The following TBCD variants were observed in gnomAD, a reference collection of about 807,000 sequenced individuals.
TBCD encodes tubulin-specific chaperone D.
Under a neutral mutation model 169.3 loss-of-function variants are expected in TBCD, and 105 were observed. That is an observed-to-expected ratio of 0.62 (90% CI 0.53 to 0.73). The LOEUF (loss-of-function observed/expected upper bound fraction) is 0.73, where lower values mean the gene tolerates loss of function less well. TBCD is among the 30% of genes least tolerant of loss of function. TBCD has a pLI of 0.00. For synonymous variants in TBCD, 700 were observed against 643.9 expected (o/e 1.09, Z -1.32); for missense variants, 1,444 against 1,600.1 (o/e 0.90, Z 1.66).
chr17:82,924,601 T>TA (rs2061609777), intron 26 of TBCD, among the ~76,000 whole-genome samples: 1 of 152,230 alleles, frequency 6.6e-6, no homozygotes, highest in South Asian at 2.1e-4. Flanking sequence ...TTAAAATTAT[T>TA]ATAAGTATAT....
At chr17:82,898,553 T>C (rs1176409735) in intron 17 of TBCD, among the ~76,000 whole-genome samples, 3 of 152,240 alleles carry the variant, frequency 2.0e-5, no homozygotes, top group Non-Finnish European at 2.9e-5. Context: ...ATATTTCTGC[T>C]ACACTATTTT....
At chr17:82,854,851 A>G (rs112445453) in intron 13 of TBCD, among the ~76,000 whole-genome samples, 3,369 of 152,254 alleles carry the variant, frequency 0.022, 142 homozygotes, top group African/African-American at 0.077. Flanking sequence ...ATCGCAGTGG[A>G]CACAAGCCAC....
At chr17:82,898,555 C>T (rs958403934) in intron 17 of TBCD, among the ~76,000 whole-genome samples, 3 of 152,290 alleles carry the variant, frequency 2.0e-5, no homozygotes, top group Admixed American at 1.3e-4. Context: ...ATTTCTGCTA[C>T]ACTATTTTTT....
rs921204403 is a variant in TBCD at position 82,782,638 on chromosome 17, G to A, written c.771+917G>A. ...TGGGATTACAGGCTTGAGCCGCCGC[G>A]CCTGGAAGGACACTTTGGAGCGCGT... On this transcript the variant is annotated intron_variant, in intron 7 of 38. Coordinates refer to ENST00000355528, the MANE Select transcript of TBCD (RefSeq NM_005993.5). The surrounding 1 kb of genome is among the most constrained non-coding windows in gnomAD (Gnocchi z 5.1). 3.9e-5 allele frequency among the ~76,000 whole-genome samples: 6 copies of A among 152,202 alleles called. No individual in the cohort carries two copies. Among genetic ancestry groups the A allele is most frequent in the Non-Finnish European group, 5.9e-5 (4 of 68,038 alleles).
chr17:82,809,561 A>G, intron 11 of TBCD, 147 bp from the exon 12 acceptor site: 1 of 773,372 alleles, frequency 1.3e-6, no homozygotes, highest in South Asian at 1.7e-5. Flanking sequence ...GGGGGCTCCA[A>G]GCAGGGTGCG....
intron 20 of TBCD, among the ~76,000 whole-genome samples, chr17:82,906,841 G>T (rs1428604508): frequency 6.6e-6 from 1 of 152,244 alleles, no homozygotes; most frequent in Non-Finnish European, 1.5e-5. Flanking sequence ...GCTCGTGTGG[G>T]TGCAGCTGAT....
At chr17:82,820,341 A>G (rs1319865875) in intron 13 of TBCD, among the ~76,000 whole-genome samples, 1 of 152,190 alleles carries the variant, frequency 6.6e-6, no homozygotes, top group Non-Finnish European at 1.5e-5. Context: ...GGTTTTCATC[A>G]GTATTTTGCT....
intron 23 of TBCD, among the ~76,000 whole-genome samples, chr17:82,917,001 G>T (rs2061082180): frequency 6.9e-6 from 1 of 145,280 alleles, no homozygotes; most frequent in South Asian, 2.2e-4. Context: ...ATTCAGTTTG[G>T]ACTTTTTTTT....
At position 82,872,947 on chromosome 17, in the gene TBCD, GGC is replaced by G. The variant is rs1567932381; in HGVS notation, c.1475+2568_1475+2569del. Among the ~76,000 whole-genome samples the G allele has an allele frequency of 4.7e-4, 62 of 132,272 alleles. 1 individual carries two copies. Among genetic ancestry groups the G allele is most frequent in the Middle Eastern group, 3.8e-3 (1 of 264 alleles). 86.8% of individuals were successfully genotyped at this position (132,272 alleles called of 152,430 possible). On this transcript the variant is annotated intron_variant, in intron 14 of 38. Coordinates refer to ENST00000355528, the MANE Select transcript of TBCD (RefSeq NM_005993.5). The stretch of plus-strand genomic sequence containing the variant: ...GGCCGACGGCTTCTGAGCCAGGCCC[GGC>G]ACCTCGTGGCCGACGGCTTCTGAGC...
intron 21 of TBCD, among the ~76,000 whole-genome samples, chr17:82,908,993 C>T (rs976806109): frequency 5.2e-4 from 79 of 152,354 alleles, no homozygotes; most frequent in African/African-American, 1.7e-3. Flanking sequence ...GTGGGTTCTA[C>T]GTCGGTCTCT....
intron 13 of TBCD, among the ~76,000 whole-genome samples, chr17:82,866,174 GC>G (rs1276586941): frequency 6.6e-6 from 1 of 152,020 alleles, no homozygotes; most frequent in East Asian, 1.9e-4. Context: ...CTTTGTGGTC[GC>G]CCAGGTGCCT....
At chr17:82,830,484 TG>T in intron 13 of TBCD, 1 of 1,613,110 alleles carries the variant, frequency 6.2e-7, no homozygotes. Context: ...GGCCTGTGGG[TG>T]GGGCCCCGTC....
chr17:82,836,202 A>G (rs533215157), intron 13 of TBCD, among the ~76,000 whole-genome samples: 115 of 152,362 alleles, frequency 7.5e-4, no homozygotes, highest in Admixed American at 1.2e-3. Flanking sequence ...GAAGTAGAGA[A>G]GCCGGGTGCC....
At chr17:82,877,148 A>G (rs1165544793) in intron 14 of TBCD, among the ~76,000 whole-genome samples, 1 of 152,252 alleles carries the variant, frequency 6.6e-6, no homozygotes, top group Non-Finnish European at 1.5e-5. Context: ...GGCAATAAAG[A>G]TAGAAGCCTG....
chr17:82,926,320 C>T (rs969080565), intron 27 of TBCD, 80 bp from the exon 28 acceptor site: 24 of 1,376,312 alleles, frequency 1.7e-5, no homozygotes, highest in Middle Eastern at 1.8e-4. Context: ...TCTGTGGCTC[C>T]GGGCCAACAT....
chr17:82,858,372 A>G (rs1567903113), intron 13 of TBCD: 1 of 155,508 alleles, frequency 6.4e-6, no homozygotes, highest in East Asian at 1.9e-4. Context: ...ACCTGGAAGA[A>G]ACCCTTTACC....
chr17:82,874,605 T>C lies in TBCD; in HGVS notation c.1475+4225T>C, dbSNP rs2057834824. On this transcript the variant is annotated intron_variant, in intron 14 of 38. Transcript: ENST00000355528. This position sits in a 1 kb window ranked among gnomAD's most constrained non-coding sequence, Gnocchi z 5.0. ...GGAGCCGTGCCCGCCGGCCTGGGTGTCAGGCTTGTCCAACGGGTTCTTAGA... is the reference window on the plus strand; with the variant it reads ...GGAGCCGTGCCCGCCGGCCTGGGTGCCAGGCTTGTCCAACGGGTTCTTAGA... 1.3e-5 allele frequency among the ~76,000 whole-genome samples: 2 copies of C among 151,976 alleles called. No individual in the cohort carries two copies. The highest frequency in any genetic ancestry group is 4.2e-4 in the South Asian group (2 of 4,804).
intron 13 of TBCD, among the ~76,000 whole-genome samples, chr17:82,817,079 C>T (rs1467695146): frequency 4.6e-5 from 7 of 152,098 alleles, no homozygotes; most frequent in African/African-American, 1.7e-4. Flanking sequence ...ATATAAGTCT[C>T]TTATTGGATA....
rs1681635243 is a variant in TBCD, at chr17:82,889,256, C to A, written c.1534-412C>A. Among the ~76,000 whole-genome samples, 1 of 152,136 alleles carries A rather than the reference C, an allele frequency of 6.6e-6. No homozygotes were observed. On this transcript the variant is annotated intron_variant, in intron 15 of 38. Coordinates refer to ENST00000355528, the MANE Select transcript of TBCD (RefSeq NM_005993.5). The surrounding 1 kb of genome is among the most constrained non-coding windows in gnomAD (Gnocchi z 5.3). ...ATTGACACCGTGCCATGGGTGCGGG[C>A]AGGGCGCCCTCCCTGGAGGGCGGCA...
Sources: gnomAD v4.1 joint callset for allele counts (sites outside exome capture counted in the v4.1 genomes callset) on GRCh38, gnomAD v4.1.1 for gene constraint, Gnocchi (gnomAD v3.1) non-coding constraint, MANE v1.5 for transcripts, NCBI Gene and HGNC (gene_info 2026-07-23, HGNC 2026-07-21) for gene names.